The following LCE2A variants were observed in gnomAD, a reference collection of about 807,000 sequenced individuals.
LCE2A encodes the protein late cornified envelope protein 2A.
For synonymous variants in LCE2A, 65 were observed against 52.5 expected, an observed-to-expected ratio of 1.24 and a Z score of -1.03; for missense variants, 147 against 137.6, an observed-to-expected ratio of 1.07 and a Z score of -0.34.
In LCE2A at chr1:152,699,291, G is replaced by A; in HGVS notation, c.*69G>A. ...CAACCAGGACCTGTCCCAGAGTGAT[G>A]CTTCTCCTGCCCCTTTTTCTCCTTT... On this transcript the variant is annotated 3_prime_UTR_variant, in exon 2 of 2. Coordinates refer to ENST00000368779, the MANE Select transcript of LCE2A (RefSeq NM_178428.4). The A allele has an allele frequency of 6.6e-7, 1 of 1,520,818 alleles. No homozygotes were observed. The highest frequency in any genetic ancestry group is 8.9e-7 in the Non-Finnish European group (1 of 1,129,638). The allele number at this position is 1,520,818 out of a possible 1,614,324, so 94.2% of individuals were successfully genotyped here. A position where few individuals can be genotyped will look rare whatever the true frequency, so the allele number is the denominator to read the frequency against.
chr1:152,699,336 G>C lies in LCE2A; in HGVS notation c.*114G>C. 1 of 1,341,504 alleles carries C rather than the reference G, an allele frequency of 7.5e-7. No individual in the cohort carries two copies. Among genetic ancestry groups the C allele is most frequent in the Non-Finnish European group, 1.0e-6 (1 of 982,654 alleles). The allele number at this position is 1,341,504 out of a possible 1,614,324, so 83.1% of individuals were successfully genotyped here. On this transcript the variant is annotated 3_prime_UTR_variant, in exon 2 of 2. Transcript: ENST00000368779. ...TCCTTTCCTTGGGCTGACACACCTT[G>C]TGAGGTGTTTTGTCTGTTGTCATGG...
Position 152,699,247 on chromosome 1 carries a change from A to G in LCE2A, c.*25A>G, listed in dbSNP as rs754690823. On this transcript the variant is annotated 3_prime_UTR_variant, in exon 2 of 2. Coordinates refer to ENST00000368779, the MANE Select transcript of LCE2A (RefSeq NM_178428.4). ...ACCAGACCTCGAACATCACAGAGCA[A>G]CCCTTATGGAGAAACTTGCAACCAG... 5.0e-6 allele frequency: 8 copies of G among 1,592,614 alleles called. No homozygotes were observed. The highest frequency in any genetic ancestry group is 6.8e-6 in the Non-Finnish European group (8 of 1,168,630).
At chr1:152,698,860 G>A (rs753085304) in intron 1 of LCE2A, 22 bp from the exon 2 acceptor site, 7 of 1,609,998 alleles carry the variant, frequency 4.3e-6, no homozygotes, top group Non-Finnish European at 6.0e-6. Flanking sequence ...CAGCTAAAGG[G>A]TTTGACTATT....
intron 1 of LCE2A, among the ~76,000 whole-genome samples, chr1:152,698,624 T>C (rs1028794045): frequency 6.6e-6 from 1 of 152,212 alleles, no homozygotes; most frequent in Non-Finnish European, 1.5e-5. Flanking sequence ...GAATACTTTA[T>C]TCAAGCTCAT....
At position 152,699,036 on chromosome 1, in the gene LCE2A, TC is replaced by T. The variant is rs758361769; in HGVS notation, c.138del (p.Ser47AlafsTer23). The T allele has an allele frequency of 6.2e-7, 1 of 1,613,806 alleles. No individual in the cohort carries two copies. Among genetic ancestry groups the T allele is most frequent in the South Asian group, 1.1e-5 (1 of 91,062 alleles). ...CACCTCCAGTCTCTTCCTGCTGTGG[TC>T]CCAGCTCTGGGGGCTGCTGCGGCTC... ...CPPPVSSCCG[P>X]SSGGCCGSSS... On this transcript the variant is annotated frameshift_variant, in exon 2 of 2. Coordinates refer to ENST00000368779, the MANE Select transcript of LCE2A (RefSeq NM_178428.4). LOFTEE classifies it low-confidence loss of function (END_TRUNC).
rs1389833192 is a variant in LCE2A, at chr1:152,698,937, C to T, written c.36C>T (p.Pro12=). The T allele has an allele frequency of 1.9e-6, 3 of 1,614,114 alleles. No homozygotes were observed. The South Asian group carries it at 3.3e-5, about 18-fold the overall frequency. ...AGCAAAACCAGCAGCAGTGCCAGCC[C>T]CCTCCCAAGTGCCCCCCAAAATGCC... The part of the protein sequence containing the change: ...SCQQNQQQCQ[P]PPKCPPKCPP... The change falls in exon 2 of 2, where the codon CCC becomes CCT. Residue 12 remains proline (P), a synonymous_variant. Transcript: ENST00000368779.
intron 1 of LCE2A, 117 bp from the exon 2 acceptor site, chr1:152,698,763 GTA>G: frequency 1.3e-6 from 1 of 782,450 alleles, no homozygotes; most frequent in Non-Finnish European, 2.1e-6. Flanking sequence ...GTGTGTATGT[GTA>G]TATATATACA....
chr1:152,698,891 G>A lies in LCE2A; in HGVS notation c.-11G>A, dbSNP rs769779749. 1.2e-6 allele frequency: 2 copies of A among 1,614,094 alleles called. No homozygotes were observed. The highest frequency in any genetic ancestry group is 1.7e-6 in the Non-Finnish European group (2 of 1,179,984). ...CTATTTCGAATTTCAGGTTGAAAAA[G>A]TCGCACTGAGATGTCCTGCCAGCAA... is the stretch of plus-strand genomic sequence containing the variant. On this transcript the variant is annotated 5_prime_UTR_variant, in exon 2 of 2. Transcript: ENST00000368779.
Position 152,699,396 on chromosome 1 carries a change from C to A in LCE2A, c.*174C>A. ...CCATCCTGGATCCTGATCTTACCTT[C>A]CCACTTTACCTCATACAACAATAAA... is the stretch of plus-strand genomic sequence containing the variant. On this transcript the variant is annotated 3_prime_UTR_variant, in exon 2 of 2. Coordinates refer to ENST00000368779, the MANE Select transcript of LCE2A (RefSeq NM_178428.4). 2.6e-6 allele frequency: 2 copies of A among 757,014 alleles called. No homozygotes were observed. The highest frequency in any genetic ancestry group is 2.1e-6 in the Non-Finnish European group (1 of 467,674). The allele number at this position is 757,014 out of a possible 1,614,324, so 46.9% of individuals were successfully genotyped here.
rs757342147 is a variant in LCE2A at position 152,698,868 on chromosome 1, A to G, written c.-20-14A>G. The G allele has an allele frequency of 2.8e-5, 45 of 1,612,290 alleles. No homozygotes were observed. The highest frequency in any genetic ancestry group is 3.7e-5 in the Non-Finnish European group (44 of 1,178,516). ...TTTTTCACAGCTAAAGGGTTTGACT[A>G]TTTCGAATTTCAGGTTGAAAAAGTC... On this transcript the variant is annotated splice_polypyrimidine_tract_variant and intron_variant, in intron 1 of 1. Transcript: ENST00000368779.
intron 1 of LCE2A, 102 bp from the exon 2 acceptor site, chr1:152,698,780 C>G: frequency 1.1e-6 from 1 of 948,894 alleles, no homozygotes. Context: ...TATACACACA[C>G]TGAGTATTAT....
In LCE2A at chr1:152,699,096, C is replaced by T. The variant is rs61812675; in HGVS notation, c.195C>T (p.Gly65=). ...GGGGCTGCTGCAGCTCTGGGGGTGG[C>T]GGCTGCTGCCTGAGCCACCACAGGC... ...SSGGCCSSGG[G]GCCLSHHRPR... Residue 65 remains glycine, a synonymous_variant, in exon 2 of 2, where the codon GGC becomes GGT. Coordinates refer to ENST00000368779, the MANE Select transcript of LCE2A (RefSeq NM_178428.4). 2.5e-6 allele frequency: 4 copies of T among 1,613,886 alleles called. No homozygotes were observed. The highest frequency in any genetic ancestry group is 2.5e-6 in the Non-Finnish European group (3 of 1,179,950).
chr1:152,699,147 C>T lies in LCE2A; in HGVS notation c.246C>T (p.His82=). 6.2e-7 allele frequency: 1 copy of T among 1,614,104 alleles called. No individual in the cohort carries two copies. The highest frequency in any genetic ancestry group is 8.5e-7 in the Non-Finnish European group (1 of 1,180,008). Residue 82 remains histidine, a synonymous_variant, in exon 2 of 2, where the codon CAC becomes CAT. Coordinates refer to ENST00000368779, the MANE Select transcript of LCE2A (RefSeq NM_178428.4). ...CCCGTCTCTTCCACCGGCACCGGCA[C>T]CAGAGCCCCGATTGTTGTGAGTGTG... ...HRPRLFHRHR[H]QSPDCCECEP...
chr1:152,699,342 TG>T lies in LCE2A; in HGVS notation c.*121del. ...CCTTGGGCTGACACACCTTGTGAGG[TG>T]TTTTGTCTGTTGTCATGGCCCAAGA... On this transcript the variant is annotated 3_prime_UTR_variant, in exon 2 of 2. Transcript: ENST00000368779. The T allele has an allele frequency of 7.8e-7, 1 of 1,278,332 alleles. No individual in the cohort carries two copies. Among genetic ancestry groups the T allele is most frequent in the Middle Eastern group, 1.9e-4 (1 of 5,174 alleles). 79.2% of individuals were successfully genotyped at this position (1,278,332 alleles called of 1,614,324 possible).
Position 152,699,186 on chromosome 1 carries a change from C to T in LCE2A, c.285C>T (p.Gly95=). Residue 95 remains glycine (G), a synonymous_variant, in exon 2 of 2, where the codon GGC becomes GGT. Coordinates refer to ENST00000368779, the MANE Select transcript of LCE2A (RefSeq NM_178428.4). ...PDCCECEPSG[G]SGCCHSSGDC... ...GTTGTGAGTGTGAACCTTCTGGGGG[C>T]TCTGGCTGCTGCCACAGCTCTGGGG... 6.2e-7 allele frequency: 1 copy of T among 1,613,674 alleles called. No individual in the cohort carries two copies. The highest frequency in any genetic ancestry group is 8.5e-7 in the Non-Finnish European group (1 of 1,179,794).
In LCE2A at chr1:152,698,931, C is replaced by T. The variant is rs1297432992; in HGVS notation, c.30C>T (p.Cys10=). 1 of 1,614,132 alleles carries T rather than the reference C, an allele frequency of 6.2e-7. No homozygotes were observed. Among genetic ancestry groups the T allele is most frequent in the South Asian group, 1.1e-5 (1 of 91,084 alleles). The change falls in exon 2 of 2, where the codon TGC becomes TGT. Residue 10 remains cysteine (C), a synonymous_variant. Coordinates refer to ENST00000368779, the MANE Select transcript of LCE2A (RefSeq NM_178428.4). MSCQQNQQQ[C]QPPPKCPPKC... ...CCTGCCAGCAAAACCAGCAGCAGTG[C>T]CAGCCCCCTCCCAAGTGCCCCCCAA...
At chr1:152,698,772 T>TAC in intron 1 of LCE2A, 110 bp from the exon 2 acceptor site, 1 of 873,786 alleles carries the variant, frequency 1.1e-6, no homozygotes. Flanking sequence ...TGTATATATA[T>TAC]ACACACACTG....
chr1:152,699,369 G>T lies in LCE2A; in HGVS notation c.*147G>T. ...TTTTGTCTGTTGTCATGGCCCAAGA[G>T]CCCATCCTGGATCCTGATCTTACCT... On this transcript the variant is annotated 3_prime_UTR_variant, in exon 2 of 2. Transcript: ENST00000368779. The T allele has an allele frequency of 9.9e-7, 1 of 1,014,708 alleles. No homozygotes were observed. The highest frequency in any genetic ancestry group is 1.7e-5 in the South Asian group (1 of 58,468). 62.9% of individuals were successfully genotyped at this position (1,014,708 alleles called of 1,614,324 possible).
rs1209573207 is a variant in LCE2A, at chr1:152,699,232, G to A, written c.*10G>A. 1.2e-6 allele frequency: 2 copies of A among 1,607,886 alleles called. No individual in the cohort carries two copies. The highest frequency in any genetic ancestry group is 2.2e-5 in the East Asian group (1 of 44,806). The stretch of plus-strand genomic sequence containing the variant: ...TGGGGACTGCTGCTGACCAGACCTC[G>A]AACATCACAGAGCAACCCTTATGGA... On this transcript the variant is annotated 3_prime_UTR_variant, in exon 2 of 2. Transcript: ENST00000368779.
Sources: gnomAD v4.1 joint callset for allele counts (sites outside exome capture counted in the v4.1 genomes callset) on GRCh38, gnomAD v4.1.1 for gene constraint, MANE v1.5 for transcripts, NCBI Gene and HGNC (gene_info 2026-07-23, HGNC 2026-07-21) for gene names.